PCDH11X: variants seen among roughly 807,000 people sequenced by gnomAD.
PCDH11X encodes protocadherin-11 X-linked.
Under a neutral mutation model 53.3 loss-of-function variants are expected in PCDH11X, and 18 were observed. The observed-to-expected ratio is 0.34, with a 90% CI of 0.23 to 0.50. The LOEUF (loss-of-function observed/expected upper bound fraction) is 0.50, where lower values mean the gene tolerates loss of function less well. Ranked by LOEUF, PCDH11X falls within the 20% of genes least tolerant of loss-of-function variation. PCDH11X has a pLI of 0.98. For missense variants in PCDH11X, 570 were observed against 1,032.4 expected (o/e 0.55, Z 6.14); for synonymous variants, 279 against 393.3 (o/e 0.71, Z 3.44).
At chrX:92,174,360 TCA>T (rs2065872189) in intron 6 of PCDH11X, among the ~76,000 whole-genome samples, 1 of 111,607 alleles carries the variant, frequency 9.0e-6, no homozygotes, top group Admixed American at 9.5e-5. Context: ...GACATTGAGT[TCA>T]CACTCTTGGA....
At chrX:91,852,008 C>CTTTTTTTTTTTTTTTTTTTTTTTTTTTT (rs59675485) in intron 5 of PCDH11X, among the ~76,000 whole-genome samples, 1 of 94,475 alleles carries the variant, frequency 1.1e-5, no homozygotes, top group Admixed American at 1.2e-4. Context: ...ATTAGGAATT[C>CTTTTTTTTTTTTTTTTTTTTTTTTTTTT]TTTTTTTTTT....
chrX:92,538,962 T>A (rs2074712976), intron 10 of PCDH11X, among the ~76,000 whole-genome samples: 1 of 86,589 alleles, frequency 1.2e-5, no homozygotes, highest in African/African-American at 4.2e-5. Flanking sequence ...ACAGGTCTCG[T>A]GTTTATGGAA....
chrX:92,516,076 C>T (rs1433240084), intron 10 of PCDH11X, among the ~76,000 whole-genome samples: 1 of 111,615 alleles, frequency 9.0e-6, no homozygotes, highest in African/African-American at 3.3e-5. Flanking sequence ...TTGATAATTC[C>T]ATCAACCTTG....
chrX:91,929,525 A>C (rs1445338303), intron 6 of PCDH11X, among the ~76,000 whole-genome samples: 1 of 110,886 alleles, frequency 9.0e-6, no homozygotes, highest in Non-Finnish European at 1.9e-5. Flanking sequence ...TCAGGCCCAG[A>C]CAGTCTAGCT....
rs184257217 is a variant in PCDH11X at position 92,113,586 on chromosome X, C to T, written c.3034-87789C>T. ...CGGAGACAGTGAAATCTCGAGCATG[C>T]ATCTTCTCGGTGAGCCAGTCCACCT... is the stretch of plus-strand genomic sequence containing the variant. On this transcript the variant is annotated intron_variant, in intron 6 of 10. Transcript: ENST00000682573. 4.6e-5 allele frequency: 55 copies of T among 1,195,560 alleles called. No homozygotes were observed. The East Asian group carries it at 1.5e-3, about 34-fold the overall frequency.
chrX:92,024,220 A>G (rs1443411288), intron 6 of PCDH11X, among the ~76,000 whole-genome samples: 15 of 110,902 alleles, frequency 1.4e-4, no homozygotes, highest in Admixed American at 9.8e-4. Flanking sequence ...GAGAAAGTCA[A>G]CTTGTCTCTG....
intron 6 of PCDH11X, among the ~76,000 whole-genome samples, chrX:92,101,727 C>T (rs913714474): frequency 3.6e-5 from 4 of 110,042 alleles, no homozygotes; most frequent in African/African-American, 6.7e-5. Flanking sequence ...ATTTTAGTTT[C>T]CTGACTCGGG....
chrX:92,096,934 G>A (rs2064149843), intron 6 of PCDH11X, among the ~76,000 whole-genome samples: 2 of 111,505 alleles, frequency 1.8e-5, no homozygotes, highest in South Asian at 7.5e-4. Context: ...GAATATATGG[G>A]AAAAGTTAGG....
intron 6 of PCDH11X, among the ~76,000 whole-genome samples, chrX:92,081,711 AACACACACAC>A (rs34848503): frequency 6.0e-5 from 6 of 100,839 alleles, no homozygotes; most frequent in South Asian, 4.8e-4. Context: ...CTGAGCCAAT[AACACACACAC>A]ACACACACAC....
intron 6 of PCDH11X, among the ~76,000 whole-genome samples, chrX:92,169,049 G>A (rs2065780305): frequency 9.1e-6 from 1 of 109,824 alleles, no homozygotes; most frequent in African/African-American, 3.3e-5. Context: ...TCTTTTCTTT[G>A]GATTGAAGAG....
chrX:91,944,330 A>G lies in PCDH11X; in HGVS notation c.3033+65057A>G, dbSNP rs758075881. 1.3e-4 allele frequency among the ~76,000 whole-genome samples: 14 copies of G among 108,202 alleles called. 1 individual carries two copies. The South Asian group carries it at 5.7e-3, about 44-fold the overall frequency. The allele number at this position is 108,202 out of a possible 115,157, so 94.0% of individuals were successfully genotyped here. On this transcript the variant is annotated intron_variant, in intron 6 of 10. Transcript: ENST00000682573. ...TATTTGCCTATACTCCAGAAAAAAA[A>G]AAAAAACTACGTCAAAACTATTGTG... is the stretch of plus-strand genomic sequence containing the variant.
intron 6 of PCDH11X, among the ~76,000 whole-genome samples, chrX:92,148,057 C>CCTTTCTTT (rs1190209890): frequency 1.8e-4 from 3 of 16,965 alleles, no homozygotes; most frequent in Non-Finnish European, 2.8e-4. Flanking sequence ...TTCCTTCCTT[C>CCTTTCTTT]CTTTCTTTCT....
chrX:92,313,663 G>T lies in PCDH11X; in HGVS notation c.3144+50520G>T, dbSNP rs181758692. Among the ~76,000 whole-genome samples the T allele has an allele frequency of 9.1e-5, 10 of 109,364 alleles. No homozygotes were observed. In the East Asian group the frequency reaches 2.9e-3, roughly 31 times the overall value. 95.0% of individuals were successfully genotyped at this position (109,364 alleles called of 115,157 possible). A position where few individuals can be genotyped will look rare whatever the true frequency, so the allele number is the denominator to read the frequency against. ...ATTTCCTTGTTATGAGAACATCATA[G>T]AATGTCCTTACACAAATCTGGAAGG... On this transcript the variant is annotated intron_variant, in intron 8 of 10. Transcript: ENST00000682573.
chrX:92,520,641 T>C (rs1455430004), intron 10 of PCDH11X, among the ~76,000 whole-genome samples: 2 of 109,103 alleles, frequency 1.8e-5, no homozygotes, highest in African/African-American at 6.7e-5. Context: ...AAGACAACAG[T>C]GATGTCTGCT....
intron 6 of PCDH11X, among the ~76,000 whole-genome samples, chrX:92,027,271 C>A (rs1409843769): frequency 9.0e-6 from 1 of 111,399 alleles, no homozygotes; most frequent in Non-Finnish European, 1.9e-5. Context: ...TTCCTTATCT[C>A]ATTGGAATAC....
At chrX:92,091,716 C>T (rs771106772) in intron 6 of PCDH11X, among the ~76,000 whole-genome samples, 67 of 111,330 alleles carry the variant, frequency 6.0e-4, no homozygotes, top group African/African-American at 2.1e-3. Flanking sequence ...ATCTGAAGGC[C>T]TGGGATCAAT....
chrX:91,942,634 G>C (rs2061524526), intron 6 of PCDH11X, among the ~76,000 whole-genome samples: 1 of 110,655 alleles, frequency 9.0e-6, no homozygotes, highest in African/African-American at 3.3e-5. Flanking sequence ...AGTGTTTAAA[G>C]GAAATATAAC....
At chrX:92,172,734 G>T (rs2065843648) in intron 6 of PCDH11X, among the ~76,000 whole-genome samples, 1 of 111,427 alleles carries the variant, frequency 9.0e-6, no homozygotes, top group Non-Finnish European at 1.9e-5. Flanking sequence ...TCCTAGATAG[G>T]CTCCAAGGAA....
intron 4 of PCDH11X, chrX:91,835,227 C>T: frequency 1.2e-6 from 1 of 837,390 alleles, no homozygotes; most frequent in South Asian, 2.7e-5. Context: ...TTTATAGGTA[C>T]TCTGTGTCAT....
Sources: gnomAD v4.1 joint callset for allele counts (sites outside exome capture counted in the v4.1 genomes callset) on GRCh38, gnomAD v4.1.1 for gene constraint, MANE v1.5 for transcripts, NCBI Gene and HGNC (gene_info 2026-07-23, HGNC 2026-07-21) for gene names.